The following SCFD2 variants were observed in gnomAD, a reference collection of about 807,000 sequenced individuals.
SCFD2 encodes the protein sec1 family domain-containing protein 2.
Under a neutral mutation model 58.9 loss-of-function variants are expected in SCFD2, and 54 were observed. The observed-to-expected ratio is 0.92, with a 90% CI of 0.74 to 1.15. The LOEUF (loss-of-function observed/expected upper bound fraction) is 1.15, where lower values mean the gene tolerates loss of function less well. SCFD2 is among the 50% of genes most tolerant of loss of function. The pLI, the probability that SCFD2 is intolerant of heterozygous loss-of-function variation, is 0.00. For synonymous variants in SCFD2, 321 were observed against 335.9 expected (o/e 0.96, Z 0.49); for missense variants, 805 against 836.6 (o/e 0.96, Z 0.47).
At chr4:53,216,536 T>A (rs1300720754) in intron 4 of SCFD2, among the ~76,000 whole-genome samples, 1 of 152,184 alleles carries the variant, frequency 6.6e-6, no homozygotes, top group Non-Finnish European at 1.5e-5. Flanking sequence ...TTCTTCTCTC[T>A]TTTTTTCTTT....
chr4:52,897,094 A>G (rs942744173), intron 7 of SCFD2, among the ~76,000 whole-genome samples: 2 of 152,038 alleles, frequency 1.3e-5, no homozygotes, highest in African/African-American at 2.4e-5. Context: ...CAATCATGTC[A>G]TCTGCAAACA....
chr4:53,303,744 C>G (rs1224624700), intron 3 of SCFD2, among the ~76,000 whole-genome samples: 1 of 151,780 alleles, frequency 6.6e-6, no homozygotes, highest in African/African-American at 2.4e-5. Context: ...AAATGTGGCA[C>G]ATATACACCA....
At chr4:53,002,484 C>A (rs1269307100) in intron 5 of SCFD2, among the ~76,000 whole-genome samples, 2 of 152,114 alleles carry the variant, frequency 1.3e-5, no homozygotes, top group Non-Finnish European at 2.9e-5. Flanking sequence ...GGTAAGTTTT[C>A]TTCCTATTAA....
At chr4:52,942,035 T>C (rs1720306402) in intron 5 of SCFD2, among the ~76,000 whole-genome samples, 1 of 152,158 alleles carries the variant, frequency 6.6e-6, no homozygotes, top group African/African-American at 2.4e-5. Flanking sequence ...TTTATACTAA[T>C]TAAAGAGAAG....
rs1724964864 is a variant in SCFD2, at chr4:53,105,446, C to G, written c.1561+39887G>C. On this transcript the variant is annotated intron_variant, in intron 5 of 8. Coordinates refer to ENST00000401642, the MANE Select transcript of SCFD2 (RefSeq NM_152540.4). ...TGCTAGGATCCACTGGCTTGAAATTCTCACTGACAGCACAGCAGTCTGAAG... is the reference window on the plus strand; with the variant it reads ...TGCTAGGATCCACTGGCTTGAAATTGTCACTGACAGCACAGCAGTCTGAAG... 2.0e-5 allele frequency among the ~76,000 whole-genome samples: 3 copies of G among 152,144 alleles called. No individual in the cohort carries two copies. In the South Asian group the frequency reaches 6.2e-4, roughly 32 times the overall value.
chr4:53,105,147 C>G (rs796845101), intron 5 of SCFD2, among the ~76,000 whole-genome samples: 26 of 152,234 alleles, frequency 1.7e-4, no homozygotes, highest in African/African-American at 6.0e-4. Context: ...GAATGGTGCA[C>G]TCCGGCCCAG....
At chr4:52,917,888 G>A (rs902773466) in intron 6 of SCFD2, among the ~76,000 whole-genome samples, 2 of 152,208 alleles carry the variant, frequency 1.3e-5, no homozygotes, top group African/African-American at 4.8e-5. Flanking sequence ...AAAATAAGAG[G>A]TGCCTCTAGT....
At chr4:53,115,588 C>T (rs1455769839) in intron 5 of SCFD2, among the ~76,000 whole-genome samples, 1 of 152,050 alleles carries the variant, frequency 6.6e-6, no homozygotes, top group Admixed American at 6.6e-5. Flanking sequence ...TGAATAAAGG[C>T]TGAAATTTGG....
chr4:53,022,323 G>A (rs1160815235), intron 5 of SCFD2, among the ~76,000 whole-genome samples: 1 of 152,238 alleles, frequency 6.6e-6, no homozygotes, highest in East Asian at 1.9e-4. Context: ...CCACCTATAA[G>A]TCAGCCCTGA....
intron 2 of SCFD2, among the ~76,000 whole-genome samples, chr4:53,336,544 A>T (rs80009394): frequency 0.097 from 14,499 of 148,732 alleles, 1,027 homozygotes; most frequent in African/African-American, 0.19. Context: ...TATTTATTTG[A>T]GTTGGAGTTT....
chr4:53,272,595 G>A (rs764843222), intron 4 of SCFD2, among the ~76,000 whole-genome samples: 8 of 151,316 alleles, frequency 5.3e-5, no homozygotes, highest in South Asian at 2.1e-4. Flanking sequence ...GCAAACTATC[G>A]CAAGGACAAA....
intron 5 of SCFD2, among the ~76,000 whole-genome samples, chr4:53,106,361 G>A (rs755585396): frequency 1.1e-4 from 17 of 152,164 alleles, no homozygotes; most frequent in Non-Finnish European, 2.1e-4. Flanking sequence ...AAAAATGGAC[G>A]GAGTATGAGT....
intron 5 of SCFD2, among the ~76,000 whole-genome samples, chr4:53,092,434 C>A (rs1284005665): frequency 6.6e-6 from 1 of 152,094 alleles, no homozygotes; most frequent in Non-Finnish European, 1.5e-5. Context: ...AGCAATTACA[C>A]TCTCATGCAT....
At chr4:53,219,521 A>AGGTACCGTCCGTCAC (rs1439708174) in intron 4 of SCFD2, among the ~76,000 whole-genome samples, 2 of 152,162 alleles carry the variant, frequency 1.3e-5, no homozygotes, top group Non-Finnish European at 1.5e-5. Flanking sequence ...CCGATTTTCC[A>AGGTACCGTCCGTCAC]GGTACCGTCC....
At chr4:53,253,751 A>AG (rs1396511900) in intron 4 of SCFD2, among the ~76,000 whole-genome samples, 2 of 64,654 alleles carry the variant, frequency 3.1e-5, no homozygotes, top group Non-Finnish European at 5.5e-5. Context: ...GGGTGGGGGG[A>AG]GGGGGGAGGG....
chr4:53,199,959 T>G (rs1189807469), intron 4 of SCFD2, among the ~76,000 whole-genome samples: 2 of 148,714 alleles, frequency 1.3e-5, no homozygotes, highest in South Asian at 2.2e-4. Context: ...AGAGTGAGAG[T>G]GAGAGCAAGA....
intron 5 of SCFD2, among the ~76,000 whole-genome samples, chr4:53,058,136 A>G (rs779414217): frequency 6.6e-6 from 1 of 152,210 alleles, no homozygotes; most frequent in Non-Finnish European, 1.5e-5. Flanking sequence ...AAATATGATT[A>G]ATTTTAACAT....
intron 6 of SCFD2, among the ~76,000 whole-genome samples, chr4:52,910,662 C>G (rs116746979): frequency 2.4e-3 from 362 of 152,246 alleles, no homozygotes; most frequent in African/African-American, 8.2e-3. Context: ...AAATATACCC[C>G]TGATATGGTT....
In SCFD2 at chr4:53,365,504, G is replaced by T; in HGVS notation, c.438C>A (p.Asn146Lys). ...LEEKLCEWMG[N>K]MNYTAEVFHV... is the part of the protein sequence containing the mutation. ...GGAACACCTCGGCCGTGTAGTTCAT[G>T]TTGCCCATCCATTCACACAGCTTCT... Residue 146 changes from asparagine (N) to lysine (K), a missense_variant, in exon 1 of 9, where the codon AAC (asparagine) becomes AAA (lysine). Asn to Lys is a moderately conservative substitution (Grantham distance 94). Around this residue, in one of 3 missense-constraint regions of SCFD2, gnomAD observed 633 missense variants for 646.8 expected, o/e 0.98. Transcript: ENST00000401642. This position sits in a 1 kb window ranked among gnomAD's most constrained non-coding sequence, Gnocchi z 4.3. 2.5e-6 allele frequency: 4 copies of T among 1,614,212 alleles called. No homozygotes were observed. Among genetic ancestry groups the T allele is most frequent in the Non-Finnish European group, 3.4e-6 (4 of 1,180,046 alleles).
Sources: gnomAD v4.1 joint callset for allele counts (sites outside exome capture counted in the v4.1 genomes callset) on GRCh38, gnomAD v4.1.1 for gene constraint, gnomAD v4.1.1 regional missense constraint, Gnocchi (gnomAD v3.1) non-coding constraint, MANE v1.5 for transcripts, NCBI Gene and HGNC (gene_info 2026-07-23, HGNC 2026-07-21) for gene names.